Variants in CSMD1 observed in about 807,000 individuals in gnomAD.
The protein encoded by CSMD1 is CUB and Sushi multiple domains 1.
CSMD1 carries 213 observed loss-of-function variants against 417.5 expected under a neutral mutation model. The ratio of observed to expected loss-of-function variants is 0.51; its 90% CI spans 0.46 to 0.57. CSMD1 has a LOEUF of 0.57. CSMD1 is among the 20% of genes least tolerant of loss of function. The pLI is 0.00. For missense variants in CSMD1, 6,923 were observed against 4,529.7 expected, an observed-to-expected ratio of 1.53 and a Z score of -15.17; for synonymous variants, 2,862 against 1,736.8, an observed-to-expected ratio of 1.65 and a Z score of -16.11.
intron 1 of CSMD1, among the ~76,000 whole-genome samples, chr8:4,846,659 C>G (rs1315566597): frequency 6.6e-6 from 1 of 152,222 alleles, no homozygotes; most frequent in African/African-American, 2.4e-5. Context: ...ACAACATGGA[C>G]TTGTAGACTA....
chr8:3,786,029 T>C (rs115151640), intron 5 of CSMD1, among the ~76,000 whole-genome samples: 2 of 152,058 alleles, frequency 1.3e-5, no homozygotes, highest in Non-Finnish European at 2.9e-5. Context: ...TGAAGAAAAT[T>C]AGAAGGACGG....
At chr8:3,274,842 T>C (rs931400897) in intron 26 of CSMD1, among the ~76,000 whole-genome samples, 1 of 152,208 alleles carries the variant, frequency 6.6e-6, no homozygotes, top group Non-Finnish European at 1.5e-5. Flanking sequence ...GAGATGTGTT[T>C]CCTGAATAGT....
chr8:3,937,975 A>G lies in CSMD1; in HGVS notation c.818+59928T>C, dbSNP rs544971167. 2.0e-5 allele frequency among the ~76,000 whole-genome samples: 3 copies of G among 152,344 alleles called. No individual in the cohort carries two copies. The South Asian group carries it at 6.2e-4, about 32-fold the overall frequency. Reference sequence around the variant, plus strand: ...TAACTTACGGTGACCATATTAAGTTATATCACATGAATTTCAAAATAACTA... The same window carrying G: ...TAACTTACGGTGACCATATTAAGTTGTATCACATGAATTTCAAAATAACTA... On this transcript the variant is annotated intron_variant, in intron 5 of 69. Transcript: ENST00000635120.
intron 1 of CSMD1, among the ~76,000 whole-genome samples, chr8:4,933,574 T>A (rs116121853): frequency 6.6e-6 from 1 of 152,128 alleles, no homozygotes; most frequent in African/African-American, 2.4e-5. Context: ...CATACAATAC[T>A]GGAAGTTTTG....
chr8:3,616,757 T>C lies in CSMD1; in HGVS notation c.1050A>G (p.Pro350=). 2 of 1,612,706 alleles carry C rather than the reference T, an allele frequency of 1.2e-6. No individual in the cohort carries two copies. Among genetic ancestry groups the C allele is most frequent in the South Asian group, 2.2e-5 (2 of 91,010 alleles). ...TACCATTTTCTGGAATCCCAGGATCTGGACACATGTCAGAGACCAATGCAA... is the reference window on the plus strand; with the variant it reads ...TACCATTTTCTGGAATCCCAGGATCCGGACACATGTCAGAGACCAATGCAA... ...GGVALVSDMC[P]DPGIPENGRR... Residue 350 remains proline (P), a synonymous_variant, in exon 8 of 70, where the codon CCA becomes CCG. Coordinates refer to ENST00000635120, the MANE Select transcript of CSMD1 (RefSeq NM_033225.6).
chr8:3,145,708 T>A (rs113770955), intron 40 of CSMD1, among the ~76,000 whole-genome samples: 9 of 152,358 alleles, frequency 5.9e-5, no homozygotes, highest in African/African-American at 2.2e-4. Flanking sequence ...AGTTTGACAT[T>A]GTAAAGCCCA....
rs748005732 is a variant in CSMD1 at position 3,343,281 on chromosome 8, G to C, written c.3631+13C>G. On this transcript the variant is annotated intron_variant, in intron 23 of 69. Coordinates refer to ENST00000635120, the MANE Select transcript of CSMD1 (RefSeq NM_033225.6). ...AATGAAAAAAGAACGTGATTAAGTC[G>C]TATGTTACTTACTGGTATAGGTGAG... The C allele has an allele frequency of 1.2e-6, 2 of 1,608,612 alleles. No homozygotes were observed. The highest frequency in any genetic ancestry group is 1.7e-6 in the Non-Finnish European group (2 of 1,175,504).
chr8:3,671,579 ATATATATATATATATG>A (rs1799065146), intron 7 of CSMD1, among the ~76,000 whole-genome samples: 6 of 104,572 alleles, frequency 5.7e-5, no homozygotes, highest in East Asian at 5.5e-4. Flanking sequence ...ATATATATAT[ATATATATATATATATG>A]ATTAGTTCTA....
At chr8:4,598,783 T>C (rs1325119006) in intron 2 of CSMD1, among the ~76,000 whole-genome samples, 2 of 152,186 alleles carry the variant, frequency 1.3e-5, no homozygotes, top group South Asian at 2.1e-4. Flanking sequence ...AAAATTTTTT[T>C]CAATCACAGA....
intron 51 of CSMD1, among the ~76,000 whole-genome samples, chr8:3,020,043 C>A (rs1196735086): frequency 1.3e-5 from 2 of 152,218 alleles, no homozygotes; most frequent in African/African-American, 2.4e-5. Context: ...CCACAAGAGG[C>A]AGTAAAGCAC....
In CSMD1 at chr8:4,336,226, A is replaced by G. The variant is rs150607165; in HGVS notation, c.415+83727T>C. ...ATGCAGGTAGTATGAATGCACCTGTAGGTTCAAGACCCTTTAAAGGTCTTG... is the reference window on the plus strand; with the variant it reads ...ATGCAGGTAGTATGAATGCACCTGTGGGTTCAAGACCCTTTAAAGGTCTTG... On this transcript the variant is annotated intron_variant, in intron 3 of 69. Coordinates refer to ENST00000635120, the MANE Select transcript of CSMD1 (RefSeq NM_033225.6). Among the ~76,000 whole-genome samples the G allele has an allele frequency of 3.0e-3, 450 of 152,272 alleles. 2 individuals carry two copies. Among genetic ancestry groups the G allele is most frequent in the African/African-American group, 0.01 (436 of 41,562 alleles).
chr8:3,530,038 G>A (rs1410204002), intron 10 of CSMD1, among the ~76,000 whole-genome samples: 4 of 152,126 alleles, frequency 2.6e-5, no homozygotes, highest in African/African-American at 9.7e-5. Flanking sequence ...TGAGCCGTGA[G>A]TATACATGCT....
intron 3 of CSMD1, among the ~76,000 whole-genome samples, chr8:4,104,514 C>T (rs1444249996): frequency 6.6e-6 from 1 of 152,180 alleles, no homozygotes; most frequent in Non-Finnish European, 1.5e-5. Flanking sequence ...GATTGAGGCC[C>T]CACCCTCCCA....
At chr8:3,311,579 A>T (rs1805349655) in intron 23 of CSMD1, among the ~76,000 whole-genome samples, 1 of 152,226 alleles carries the variant, frequency 6.6e-6, no homozygotes, top group African/African-American at 2.4e-5. Flanking sequence ...AACAAGCTTT[A>T]TGCTAGACGA....
At chr8:4,344,904 A>G (rs1800694292) in intron 3 of CSMD1, among the ~76,000 whole-genome samples, 1 of 152,174 alleles carries the variant, frequency 6.6e-6, no homozygotes, top group African/African-American at 2.4e-5. Flanking sequence ...GGACAAGAAC[A>G]GGCACTATGC....
At chr8:3,224,337 A>T (rs1430154662) in intron 27 of CSMD1, among the ~76,000 whole-genome samples, 1 of 152,186 alleles carries the variant, frequency 6.6e-6, no homozygotes. Flanking sequence ...TGCATGCTTC[A>T]TGTGGTACAG....
intron 2 of CSMD1, among the ~76,000 whole-genome samples, chr8:4,478,180 C>G (rs1001812740): frequency 2.6e-5 from 4 of 152,162 alleles, no homozygotes; most frequent in Non-Finnish European, 5.9e-5. Context: ...CCTTCTTCCC[C>G]TCTTTTTATA....
chr8:3,974,423 G>C (rs975545859), intron 5 of CSMD1, among the ~76,000 whole-genome samples: 1 of 151,760 alleles, frequency 6.6e-6, no homozygotes, highest in Non-Finnish European at 1.5e-5. Context: ...CTTCGACCAG[G>C]ATATTCATAA....
At chr8:4,380,571 G>C (rs969957983) in intron 3 of CSMD1, among the ~76,000 whole-genome samples, 1 of 152,170 alleles carries the variant, frequency 6.6e-6, no homozygotes, top group Non-Finnish European at 1.5e-5. Context: ...GATGGGACCC[G>C]TGGATGGAAT....
Sources: allele counts gnomAD v4.1 joint callset (sites outside exome capture counted in the v4.1 genomes callset), GRCh38; gene constraint gnomAD v4.1.1; transcripts MANE v1.5; gene names NCBI Gene and HGNC (gene_info 2026-07-23, HGNC 2026-07-21).